Variants in JAKMIP1 observed in about 807,000 individuals in gnomAD.
JAKMIP1 encodes janus kinase and microtubule-interacting protein 1.
In JAKMIP1, 33 loss-of-function variants were observed where a neutral mutation model predicts 113.0. That is an observed-to-expected ratio of 0.29 (90% CI 0.22 to 0.39). The LOEUF is 0.39. Among genes scored for constraint, JAKMIP1 ranks in the 10% least tolerant of loss-of-function variants. JAKMIP1 has a pLI of 1.00. For missense variants in JAKMIP1, 813 were observed against 1,080.5 expected (o/e 0.75, Z 3.47); for synonymous variants, 480 against 459.9 (o/e 1.04, Z -0.56).
chr4:6,111,070 T>A (rs147777594), intron 2 of JAKMIP1, among the ~76,000 whole-genome samples: 49 of 151,990 alleles, frequency 3.2e-4, no homozygotes, highest in Non-Finnish European at 5.7e-4. Context: ...AGAAGCCCAG[T>A]CCCCTGGTCC....
At position 6,185,097 on chromosome 4, in the gene JAKMIP1, G is replaced by A. The variant is rs951137544; in HGVS notation, c.-148+15156C>T. On this transcript the variant is annotated intron_variant, in intron 1 of 20. Coordinates refer to ENST00000409021, the MANE Select transcript of JAKMIP1 (RefSeq NM_001099433.2). The surrounding 1 kb of genome is among the most constrained non-coding windows in gnomAD (Gnocchi z 5.3). ...TGGGCCACTGACTGAAGGCTGCACT[G>A]TCAGCTTCCTTACTTTTGAGGTTTT... 1.9e-4 allele frequency among the ~76,000 whole-genome samples: 29 copies of A among 152,206 alleles called. No homozygotes were observed. The highest frequency in any genetic ancestry group is 4.4e-5 in the Non-Finnish European group (3 of 68,040).
At chr4:6,109,787 G>A (rs1172839678) in intron 2 of JAKMIP1, among the ~76,000 whole-genome samples, 1 of 152,142 alleles carries the variant, frequency 6.6e-6, no homozygotes, top group Non-Finnish European at 1.5e-5. Context: ...CATTGACAGT[G>A]ATTGTGAGAT....
intron 8 of JAKMIP1, among the ~76,000 whole-genome samples, chr4:6,074,926 G>A (rs1719484474): frequency 6.6e-6 from 1 of 152,260 alleles, no homozygotes; most frequent in African/African-American, 2.4e-5. Context: ...TAGCCTAGGT[G>A]TGTAGGAGGC....
chr4:6,186,416 A>C lies in JAKMIP1; in HGVS notation c.-148+13837T>G, dbSNP rs912302939. 6.6e-6 allele frequency among the ~76,000 whole-genome samples: 1 copy of C among 152,172 alleles called. No homozygotes were observed. The highest frequency in any genetic ancestry group is 1.5e-5 in the Non-Finnish European group (1 of 68,032). On this transcript the variant is annotated intron_variant, in intron 1 of 20. Coordinates refer to ENST00000409021, the MANE Select transcript of JAKMIP1 (RefSeq NM_001099433.2). The surrounding 1 kb of genome is among the most constrained non-coding windows in gnomAD (Gnocchi z 5.5). ...GTGATGGAGGATGAGACAGGAAGGG[A>C]AAAGTGGGGGCCTCTGGTGTCTGGC...
intron 16 of JAKMIP1, among the ~76,000 whole-genome samples, chr4:6,045,702 T>C (rs2108761662): frequency 6.6e-6 from 1 of 152,190 alleles, no homozygotes; most frequent in East Asian, 1.9e-4. Context: ...GAGAAACCCG[T>C]CTCTACTAAA....
In JAKMIP1 at chr4:6,154,084, T is replaced by C. The variant is rs1304970203; in HGVS notation, c.-147-41087A>G. ...AGCCCCCAGACCATGCCTGGCTGAC[T>C]GCATCCTGCTGCCTATGGTGAGAAG... On this transcript the variant is annotated intron_variant, in intron 1 of 20. Coordinates refer to ENST00000409021, the MANE Select transcript of JAKMIP1 (RefSeq NM_001099433.2). The surrounding 1 kb of genome is among the most constrained non-coding windows in gnomAD (Gnocchi z 4.2). Among the ~76,000 whole-genome samples the C allele has an allele frequency of 6.6e-6, 1 of 152,182 alleles. No individual in the cohort carries two copies. The highest frequency in any genetic ancestry group is 2.1e-4 in the South Asian group (1 of 4,828).
chr4:6,118,957 A>G (rs975201778), intron 1 of JAKMIP1, among the ~76,000 whole-genome samples: 1 of 152,250 alleles, frequency 6.6e-6, no homozygotes. Context: ...CATTGACAAG[A>G]GTCCTTCTAG....
chr4:6,106,720 C>T lies in JAKMIP1; in HGVS notation c.130-753G>A, dbSNP rs6847323. Among the ~76,000 whole-genome samples the T allele has an allele frequency of 0.054, 8,167 of 152,214 alleles. 584 individuals are homozygous for T. The highest frequency in any genetic ancestry group is 0.16 in the African/African-American group (6,502 of 41,508). On this transcript the variant is annotated intron_variant, in intron 2 of 20. Transcript: ENST00000409021. The surrounding 1 kb of genome is among the most constrained non-coding windows in gnomAD (Gnocchi z 5.9). ...ACAATTCAAAACATTACTTATAAAA[C>T]GTCCCAAGGGAGTGTGTTCTTAAAA...
In JAKMIP1 at chr4:6,116,778, A is replaced by G. The variant is rs984449844; in HGVS notation, c.-147-3781T>C. Among the ~76,000 whole-genome samples the G allele has an allele frequency of 6.6e-6, 1 of 152,202 alleles. No homozygotes were observed. The highest frequency in any genetic ancestry group is 2.4e-5 in the African/African-American group (1 of 41,458). ...ACAGAACGGTCTAGTCAGGAACACC[A>G]CTATGGAAATGAATACATAAAACAA... On this transcript the variant is annotated intron_variant, in intron 1 of 20. Coordinates refer to ENST00000409021, the MANE Select transcript of JAKMIP1 (RefSeq NM_001099433.2). This position sits in a 1 kb window ranked among gnomAD's most constrained non-coding sequence, Gnocchi z 5.1.
At chr4:6,057,364 G>A (rs1716616181) in intron 11 of JAKMIP1, among the ~76,000 whole-genome samples, 1 of 152,178 alleles carries the variant, frequency 6.6e-6, no homozygotes, top group Admixed American at 6.5e-5. Flanking sequence ...TTCTCTGCTG[G>A]TCAGCCACAG....
intron 20 of JAKMIP1, among the ~76,000 whole-genome samples, chr4:6,029,479 A>T (rs1712304548): frequency 1.3e-5 from 2 of 152,212 alleles, no homozygotes; most frequent in Non-Finnish European, 2.9e-5. Context: ...TGAAAAAGAC[A>T]CACAGAGTTG....
chr4:6,164,641 T>C (rs778160101), intron 1 of JAKMIP1, among the ~76,000 whole-genome samples: 1 of 152,242 alleles, frequency 6.6e-6, no homozygotes, highest in Non-Finnish European at 1.5e-5. Context: ...TTCATCATTC[T>C]AGATGCATTA....
chr4:6,134,016 C>T (rs182491422), intron 1 of JAKMIP1, among the ~76,000 whole-genome samples: 56 of 152,212 alleles, frequency 3.7e-4, no homozygotes, highest in Admixed American at 8.5e-4. Flanking sequence ...CTTTGTGTGC[C>T]CACCCAAATC....
chr4:6,196,053 G>A (rs929325653), intron 1 of JAKMIP1, among the ~76,000 whole-genome samples: 4 of 152,096 alleles, frequency 2.6e-5, no homozygotes, highest in African/African-American at 4.8e-5. Flanking sequence ...ATAACACTTC[G>A]GGTTGCAGTT....
chr4:6,056,644 C>G, intron 12 of JAKMIP1, 53 bp downstream of exon 12: 4 of 1,421,254 alleles, frequency 2.8e-6, no homozygotes, highest in South Asian at 1.1e-5. Flanking sequence ...AGCAGGCCCG[C>G]GGGGTCCCAA....
intron 1 of JAKMIP1, among the ~76,000 whole-genome samples, chr4:6,130,315 G>A (rs1304539122): frequency 6.6e-6 from 1 of 152,250 alleles, no homozygotes; most frequent in Non-Finnish European, 1.5e-5. Context: ...AAGTTAAACA[G>A]AATGCAAATC....
In JAKMIP1 at chr4:6,187,487, G is replaced by A. The variant is rs746058494; in HGVS notation, c.-148+12766C>T. The stretch of plus-strand genomic sequence containing the variant: ...GTATGATAGCATTAGAAGGTGAGGC[G>A]TTTGGCAAGTGATTAGGTCACGAGG... On this transcript the variant is annotated intron_variant, in intron 1 of 20. Coordinates refer to ENST00000409021, the MANE Select transcript of JAKMIP1 (RefSeq NM_001099433.2). The surrounding 1 kb of genome is among the most constrained non-coding windows in gnomAD (Gnocchi z 4.2). Among the ~76,000 whole-genome samples the A allele has an allele frequency of 1.1e-4, 17 of 152,230 alleles. No individual in the cohort carries two copies. The highest frequency in any genetic ancestry group is 1.8e-4 in the Non-Finnish European group (12 of 68,046).
intron 3 of JAKMIP1, among the ~76,000 whole-genome samples, chr4:6,090,029 C>T (rs1721820018): frequency 6.6e-6 from 1 of 152,102 alleles, no homozygotes; most frequent in Non-Finnish European, 1.5e-5. Context: ...TGAGACCAAC[C>T]TGGCCAACAT....
intron 8 of JAKMIP1, among the ~76,000 whole-genome samples, chr4:6,072,161 C>T (rs2108804958): frequency 6.6e-6 from 1 of 152,320 alleles, no homozygotes. Flanking sequence ...TATTCCCCTA[C>T]CTGCTCCGTT....
Sources: gnomAD v4.1 joint callset for allele counts (sites outside exome capture counted in the v4.1 genomes callset) on GRCh38, gnomAD v4.1.1 for gene constraint, Gnocchi (gnomAD v3.1) non-coding constraint, MANE v1.5 for transcripts, NCBI Gene and HGNC (gene_info 2026-07-23, HGNC 2026-07-21) for gene names.